The following CACNA2D3 variants were observed in gnomAD, a reference collection of about 807,000 sequenced individuals.
CACNA2D3 encodes the protein calcium voltage-gated channel auxiliary subunit alpha2delta 3.
CACNA2D3 carries 60 observed loss-of-function variants against 160.6 expected under a neutral mutation model. That is an observed-to-expected ratio of 0.37 (90% CI 0.30 to 0.46). The LOEUF is 0.46. Among genes scored for constraint, CACNA2D3 ranks in the 20% least tolerant of loss-of-function variants. The probability of loss-of-function intolerance (pLI) is 1.00; values close to 1 mark genes in which losing one functional copy is unlikely to be tolerated. For synonymous variants in CACNA2D3, 558 were observed against 492.9 expected (o/e 1.13, Z -1.75); for missense variants, 1,205 against 1,365.0 (o/e 0.88, Z 1.85).
intron 13 of CACNA2D3, among the ~76,000 whole-genome samples, chr3:54,794,609 T>A (rs1322428678): frequency 2.6e-5 from 4 of 151,282 alleles, no homozygotes; most frequent in African/African-American, 9.8e-5. Context: ...AGATATATTT[T>A]TTTTTTTTTT....
At chr3:55,036,289 A>C (rs992490022) in intron 35 of CACNA2D3, among the ~76,000 whole-genome samples, 1 of 151,974 alleles carries the variant, frequency 6.6e-6, no homozygotes, top group Non-Finnish European at 1.5e-5. Flanking sequence ...TCTATTAAAA[A>C]TACCAGAATT....
chr3:55,056,257 A>C (rs905253388), intron 35 of CACNA2D3, among the ~76,000 whole-genome samples: 3 of 152,226 alleles, frequency 2.0e-5, no homozygotes, highest in African/African-American at 7.2e-5. Flanking sequence ...ACAATGAGAT[A>C]TCATTTCACA....
At chr3:54,422,318 G>A (rs968390264) in intron 4 of CACNA2D3, among the ~76,000 whole-genome samples, 1 of 152,194 alleles carries the variant, frequency 6.6e-6, no homozygotes, top group African/African-American at 2.4e-5. Context: ...TTGCAGTAGT[G>A]TTAGTAACCT....
chr3:54,502,031 C>T (rs1701302991), intron 4 of CACNA2D3, among the ~76,000 whole-genome samples: 1 of 152,160 alleles, frequency 6.6e-6, no homozygotes, highest in Non-Finnish European at 1.5e-5. Flanking sequence ...GTAAGATTCT[C>T]CCACCCTCTT....
At chr3:54,282,900 C>G (rs1702915627) in intron 2 of CACNA2D3, among the ~76,000 whole-genome samples, 1 of 151,724 alleles carries the variant, frequency 6.6e-6, no homozygotes, top group Non-Finnish European at 1.5e-5. Flanking sequence ...AATCACAAAC[C>G]CTATCATAGT....
intron 31 of CACNA2D3, among the ~76,000 whole-genome samples, chr3:54,996,596 G>A (rs764486471): frequency 4.8e-4 from 73 of 152,130 alleles, no homozygotes; most frequent in Non-Finnish European, 8.8e-4. Context: ...TGGCTCTGGG[G>A]CACTCACACT....
chr3:54,626,619 C>G, intron 9 of CACNA2D3: 1 of 1,345,326 alleles, frequency 7.4e-7, no homozygotes, highest in Non-Finnish European at 1.1e-6. Context: ...TCGGGGCCAG[C>G]CACTCCTCCC....
intron 29 of CACNA2D3, among the ~76,000 whole-genome samples, chr3:54,973,640 G>A (rs1324141920): frequency 2.0e-5 from 3 of 152,176 alleles, no homozygotes; most frequent in Non-Finnish European, 4.4e-5. Flanking sequence ...GCGCCTGCCT[G>A]CATGTTGGAC....
chr3:54,626,286 G>T (rs1355446496), intron 9 of CACNA2D3: 7 of 1,486,422 alleles, frequency 4.7e-6, no homozygotes, highest in Non-Finnish European at 6.4e-6. Flanking sequence ...TGGACCAGCT[G>T]CTGGACATGT....
chr3:54,704,671 A>G (rs1411088745), intron 11 of CACNA2D3, among the ~76,000 whole-genome samples: 1 of 152,206 alleles, frequency 6.6e-6, no homozygotes, highest in East Asian at 1.9e-4. Context: ...AGAGGTGTTT[A>G]GGCCAAGAGA....
At chr3:54,684,991 T>A (rs555332028) in intron 11 of CACNA2D3, among the ~76,000 whole-genome samples, 1 of 152,148 alleles carries the variant, frequency 6.6e-6, no homozygotes, top group African/African-American at 2.4e-5. Flanking sequence ...CAGCAAGACA[T>A]GAAAACCCTG....
Position 54,122,603 on chromosome 3 carries a change from C to T in CACNA2D3, c.-111C>T, listed in dbSNP as rs1250159231. ...CCGGGCGCGCGAGAGGCAGGCGGGG[C>T]GGCGCGGAGCGGAGCAGGCAGCCCC... On this transcript the variant is annotated 5_prime_UTR_variant, in exon 1 of 38. Transcript: ENST00000474759. 9 of 599,264 alleles carry T rather than the reference C, an allele frequency of 1.5e-5. No individual in the cohort carries two copies. Among genetic ancestry groups the T allele is most frequent in the South Asian group, 1.5e-4 (2 of 13,268 alleles). 37.1% of individuals were successfully genotyped at this position (599,264 alleles called of 1,614,324 possible).
chr3:55,066,844 G>A (rs1192155864), intron 35 of CACNA2D3, among the ~76,000 whole-genome samples: 1 of 151,972 alleles, frequency 6.6e-6, no homozygotes, highest in East Asian at 1.9e-4. Flanking sequence ...TTCCCTCCTC[G>A]CCTTTTTTGG....
chr3:54,531,995 C>G (rs1701813655), intron 5 of CACNA2D3, among the ~76,000 whole-genome samples: 1 of 152,218 alleles, frequency 6.6e-6, no homozygotes, highest in Admixed American at 6.5e-5. Context: ...CGAGCCCACA[C>G]TGCCTCTCTC....
chr3:54,889,478 T>G (rs1700004770), intron 24 of CACNA2D3, among the ~76,000 whole-genome samples: 1 of 152,050 alleles, frequency 6.6e-6, no homozygotes, highest in Admixed American at 6.6e-5. Flanking sequence ...ATGGGTTTGT[T>G]GTGGAGGGTA....
At chr3:54,429,925 T>A (rs562235729) in intron 4 of CACNA2D3, among the ~76,000 whole-genome samples, 1 of 152,276 alleles carries the variant, frequency 6.6e-6, no homozygotes, top group East Asian at 1.9e-4. Context: ...TTCCCAGTCA[T>A]TGGGAAGAAA....
chr3:54,401,188 A>G (rs7427272), intron 4 of CACNA2D3, among the ~76,000 whole-genome samples: 3,238 of 152,222 alleles, frequency 0.021, 111 homozygotes, highest in African/African-American at 0.074. Context: ...GAAATTACCT[A>G]GTCAACGGAA....
chr3:54,454,168 C>G (rs1700357164), intron 4 of CACNA2D3, among the ~76,000 whole-genome samples: 1 of 152,204 alleles, frequency 6.6e-6, no homozygotes, highest in Admixed American at 6.5e-5. Flanking sequence ...CAGTAAAACA[C>G]TATTTCATAA....
chr3:54,304,217 A>G (rs979527711), intron 2 of CACNA2D3, among the ~76,000 whole-genome samples: 1 of 152,192 alleles, frequency 6.6e-6, no homozygotes, highest in East Asian at 1.9e-4. Context: ...CCTGCAGGAC[A>G]GAATGGTCCC....
Sources: allele counts gnomAD v4.1 joint callset (sites outside exome capture counted in the v4.1 genomes callset), GRCh38; gene constraint gnomAD v4.1.1; transcripts MANE v1.5; gene names NCBI Gene and HGNC (gene_info 2026-07-23, HGNC 2026-07-21).